The following GNAO1 variants were observed in gnomAD, a reference collection of about 807,000 sequenced individuals.
GNAO1 encodes guanine nucleotide-binding protein G(o) subunit alpha.
For missense variants in GNAO1, 166 were observed against 478.7 expected (o/e 0.35, Z 6.10); for synonymous variants, 164 against 180.7 (o/e 0.91, Z 0.74).
rs1247439652 is a variant in GNAO1, at chr16:56,209,951, C to G, written c.161+17335C>G. 2.0e-5 allele frequency among the ~76,000 whole-genome samples: 3 copies of G among 152,120 alleles called. No homozygotes were observed. The East Asian group carries it at 5.8e-4, about 29-fold the overall frequency. The stretch of plus-strand genomic sequence containing the variant: ...GGCTTTACTCTTGGTGGTGTACATT[C>G]TATGGGTTTGGACAAATATGTAATG... On this transcript the variant is annotated intron_variant, in intron 2 of 8. Transcript: ENST00000262493.
At chr16:56,295,039 C>T (rs1356909403) in intron 3 of GNAO1, among the ~76,000 whole-genome samples, 2 of 152,022 alleles carry the variant, frequency 1.3e-5, no homozygotes, top group African/African-American at 4.8e-5. Flanking sequence ...TGTACTATTT[C>T]ATATTTTCTC....
intron 2 of GNAO1, among the ~76,000 whole-genome samples, chr16:56,195,472 A>G (rs966760945): frequency 6.6e-6 from 1 of 152,262 alleles, no homozygotes; most frequent in African/African-American, 2.4e-5. Context: ...TGAGATGGCC[A>G]CTTGACTGAG....
At chr16:56,279,686 G>A (rs2037096881) in intron 3 of GNAO1, among the ~76,000 whole-genome samples, 1 of 152,196 alleles carries the variant, frequency 6.6e-6, no homozygotes, top group South Asian at 2.1e-4. Flanking sequence ...GCATGAAGAT[G>A]AATTGTTTAT....
At chr16:56,321,818 G>A (rs1219957510) in intron 3 of GNAO1, among the ~76,000 whole-genome samples, 3 of 152,200 alleles carry the variant, frequency 2.0e-5, no homozygotes, top group Non-Finnish European at 2.9e-5. Context: ...GCGGGAGCAC[G>A]CAGTGAGTTT....
chr16:56,351,276 C>T lies in GNAO1; in HGVS notation c.724-108C>T, dbSNP rs1490184041. The T allele has an allele frequency of 2.5e-5, 18 of 720,992 alleles. No individual in the cohort carries two copies. The highest frequency in any genetic ancestry group is 3.2e-4 in the Middle Eastern group (1 of 3,126). 44.7% of individuals were successfully genotyped at this position (720,992 alleles called of 1,614,324 possible). ...TCTGGCAGCCTCTCGGAGGAGCTGC[C>T]GAGTAGCCCAGTCCCTCTCTGTCAA... is the stretch of plus-strand genomic sequence containing the variant. On this transcript the variant is annotated intron_variant, in intron 6 of 8. Transcript: ENST00000262493. The surrounding 1 kb of genome is among the most constrained non-coding windows in gnomAD (Gnocchi z 6.1).
intron 2 of GNAO1, chr16:56,194,401 G>T: frequency 2.5e-6 from 1 of 392,688 alleles, no homozygotes; most frequent in African/African-American, 2.1e-5. Flanking sequence ...AACTTCAGAA[G>T]TCTGTAATCA....
chr16:56,299,405 GC>G (rs1422197508), intron 3 of GNAO1, among the ~76,000 whole-genome samples: 1 of 152,250 alleles, frequency 6.6e-6, no homozygotes, highest in Admixed American at 6.5e-5. Context: ...TCAAATAAAA[GC>G]CTTTTCAGAA....
At chr16:56,303,272 A>T (rs1431203156) in intron 3 of GNAO1, among the ~76,000 whole-genome samples, 1 of 152,144 alleles carries the variant, frequency 6.6e-6, no homozygotes, top group African/African-American at 2.4e-5. Flanking sequence ...GAGGAATCAC[A>T]GTCTTGTTTT....
chr16:56,322,177 C>T (rs2398145), intron 3 of GNAO1, among the ~76,000 whole-genome samples: 119,287 of 152,006 alleles, frequency 0.78, 47,518 homozygotes, highest in East Asian at 0.95. Context: ...TCTCCGAACG[C>T]CAGCATCTTG....
intron 2 of GNAO1, among the ~76,000 whole-genome samples, chr16:56,242,360 G>A (rs147045826): frequency 2.6e-5 from 4 of 152,264 alleles, no homozygotes; most frequent in African/African-American, 9.6e-5. Context: ...ATTCAGAATA[G>A]CCAAAACAAT....
rs2037967204 is a variant in GNAO1 at position 56,356,302 on chromosome 16, CA to C, written c.*229del. The C allele has an allele frequency of 1.3e-5, 2 of 152,768 alleles. No individual in the cohort carries two copies. The highest frequency in any genetic ancestry group is 4.8e-5 in the African/African-American group (2 of 41,580). The allele number at this position is 152,768 out of a possible 1,614,324, so 9.5% of individuals were successfully genotyped here. On this transcript the variant is annotated 3_prime_UTR_variant, in exon 9 of 9. Coordinates refer to ENST00000262493, the MANE Select transcript of GNAO1 (RefSeq NM_020988.3). ...CACATTTAGAATTTGAAAGGAAAAACAGAACATTTCTCATGTGCTTTGTAGC... is the reference window on the plus strand; with the variant it reads ...CACATTTAGAATTTGAAAGGAAAAACGAACATTTCTCATGTGCTTTGTAGC...
At chr16:56,206,810 CAG>C (rs1301617578) in intron 2 of GNAO1, among the ~76,000 whole-genome samples, 5 of 152,216 alleles carry the variant, frequency 3.3e-5, no homozygotes, top group African/African-American at 1.2e-4. Context: ...AGTCTGGAAA[CAG>C]GGACGGTTGC....
At chr16:56,281,260 A>G (rs563666425) in intron 3 of GNAO1, among the ~76,000 whole-genome samples, 1 of 152,248 alleles carries the variant, frequency 6.6e-6, no homozygotes. Flanking sequence ...CATTCAAAGA[A>G]TCCCATCCTT....
intron 2 of GNAO1, among the ~76,000 whole-genome samples, chr16:56,222,263 T>A (rs1410341083): frequency 6.6e-6 from 1 of 152,088 alleles, no homozygotes; most frequent in Non-Finnish European, 1.5e-5. Flanking sequence ...TGTTCACAGC[T>A]CTGGAGGGCA....
chr16:56,278,880 G>C (rs1395734574), intron 3 of GNAO1, among the ~76,000 whole-genome samples: 1 of 152,164 alleles, frequency 6.6e-6, no homozygotes, highest in African/African-American at 2.4e-5. Context: ...GGCAGCTCCT[G>C]ATGTCCAGAT....
intron 3 of GNAO1, among the ~76,000 whole-genome samples, chr16:56,325,091 G>A (rs568427344): frequency 1.3e-5 from 2 of 152,204 alleles, no homozygotes; most frequent in African/African-American, 2.4e-5. Flanking sequence ...CTAGAGCCAC[G>A]TGCCATGGGC....
chr16:56,334,894 C>A, intron 5 of GNAO1, 37 bp downstream of exon 5: 1 of 1,609,704 alleles, frequency 6.2e-7, no homozygotes, highest in Non-Finnish European at 8.5e-7. Flanking sequence ...CTGGCGAGGG[C>A]TAAGATGGGA....
chr16:56,243,986 T>C (rs1387397514), intron 2 of GNAO1, among the ~76,000 whole-genome samples: 2 of 152,206 alleles, frequency 1.3e-5, no homozygotes, highest in African/African-American at 4.8e-5. Flanking sequence ...TATCTCCTTC[T>C]AGTGCATAAG....
intron 2 of GNAO1, among the ~76,000 whole-genome samples, chr16:56,263,725 C>T (rs1279466493): frequency 6.6e-6 from 1 of 152,184 alleles, no homozygotes; most frequent in African/African-American, 2.4e-5. Context: ...AAGATGTAGA[C>T]GTAGACATAG....
Sources: gnomAD v4.1 joint callset for allele counts (sites outside exome capture counted in the v4.1 genomes callset) on GRCh38, gnomAD v4.1.1 for gene constraint, Gnocchi (gnomAD v3.1) non-coding constraint, MANE v1.5 for transcripts, NCBI Gene and HGNC (gene_info 2026-07-23, HGNC 2026-07-21) for gene names.